KCTD9: variants seen among roughly 807,000 people sequenced by gnomAD.
KCTD9 encodes BTB/POZ domain-containing protein KCTD9.
KCTD9 carries 17 observed loss-of-function variants against 53.3 expected under a neutral mutation model. The observed-to-expected ratio is 0.32, with a 90% CI of 0.22 to 0.48. The LOEUF (loss-of-function observed/expected upper bound fraction) is 0.48, where lower values mean the gene tolerates loss of function less well. KCTD9 is among the 20% of genes least tolerant of loss of function. KCTD9 has a pLI of 0.99. For missense variants in KCTD9, 179 were observed against 465.5 expected (o/e 0.38, Z 5.66); for synonymous variants, 128 against 162.7 (o/e 0.79, Z 1.62).
Position 25,436,453 on chromosome 8 carries a change from C to T in KCTD9, c.532G>A (p.Asp178Asn). The T allele has an allele frequency of 6.3e-7, 1 of 1,581,312 alleles. No homozygotes were observed. The highest frequency in any genetic ancestry group is 8.5e-7 in the Non-Finnish European group (1 of 1,172,356). The change falls in exon 7 of 12, where the codon GAC (aspartate) becomes AAC (asparagine). Residue 178 changes from aspartate (D) to asparagine (N), a missense_variant. Transcript: ENST00000221200. ...VLEEARFFGI[D>N]SLIEHLEVAI... The stretch of plus-strand genomic sequence containing the variant: ...ACTTCTAGGTGTTCAATCAATGAGT[C>T]AATACCAAAAAATCTTGCTTCTTCT...
intron 9 of KCTD9, 65 bp from the exon 10 acceptor site, chr8:25,433,500 G>A: frequency 4.0e-6 from 3 of 757,092 alleles, no homozygotes; most frequent in Middle Eastern, 2.5e-4. Context: ...AGCTCAAACA[G>A]TAAAAGAAAA....
chr8:25,458,382 G>A lies in KCTD9; in HGVS notation c.-136C>T, dbSNP rs1802522572. 7 of 962,858 alleles carry A rather than the reference G, an allele frequency of 7.3e-6. No individual in the cohort carries two copies. In the Admixed American group the frequency reaches 1.0e-4, roughly 14 times the overall value. The allele number at this position is 962,858 out of a possible 1,614,324, so 59.6% of individuals were successfully genotyped here. Reference sequence around the variant, plus strand: ...CCTTCGCCACCTTCCTGCCCTTGGGGACACACCACACGCACGCACTCTGTC... The same window carrying A: ...CCTTCGCCACCTTCCTGCCCTTGGGAACACACCACACGCACGCACTCTGTC... On this transcript the variant is annotated 5_prime_UTR_variant, in exon 1 of 12. Transcript: ENST00000221200.
rs1017640523 is a variant in KCTD9, at chr8:25,446,056, T to G, written c.170+73A>C. ...GTACTCTTAACAGTGATTAAATTAC[T>G]GCTTAAGGGAAACAGCATAGCACCA... On this transcript the variant is annotated intron_variant, in intron 2 of 11. Transcript: ENST00000221200. The G allele has an allele frequency of 5.8e-6, 9 of 1,550,268 alleles. No individual in the cohort carries two copies. In the Admixed American group the frequency reaches 7.5e-5, roughly 13 times the overall value.
chr8:25,455,045 G>C (rs1162118539), intron 1 of KCTD9, among the ~76,000 whole-genome samples: 1 of 151,942 alleles, frequency 6.6e-6, no homozygotes, highest in Non-Finnish European at 1.5e-5. Context: ...GGCCAACATG[G>C]TGAAAACCGT....
intron 2 of KCTD9, among the ~76,000 whole-genome samples, chr8:25,444,974 T>C (rs1802190139): frequency 6.6e-6 from 1 of 152,180 alleles, no homozygotes; most frequent in Admixed American, 6.5e-5. Flanking sequence ...TGTAGACGTT[T>C]TTATTTCCTA....
intron 9 of KCTD9, among the ~76,000 whole-genome samples, chr8:25,434,096 A>AT (rs1165488746): frequency 1.3e-5 from 2 of 152,046 alleles, no homozygotes; most frequent in African/African-American, 2.4e-5. Context: ...TTAAGACTTT[A>AT]TTTTTTTGTT....
intron 11 of KCTD9, among the ~76,000 whole-genome samples, chr8:25,431,389 C>T (rs747155279): frequency 2.6e-5 from 4 of 152,100 alleles, no homozygotes; most frequent in Non-Finnish European, 5.9e-5. Context: ...CAATTTGAAG[C>T]TATTTCTTAA....
chr8:25,457,499 C>T (rs773750069), intron 1 of KCTD9: 39 of 326,634 alleles, frequency 1.2e-4, no homozygotes, highest in Non-Finnish European at 1.7e-4. Flanking sequence ...AAAGGCCTAA[C>T]ACAGCAAAGG....
intron 4 of KCTD9, 95 bp downstream of exon 4, chr8:25,440,482 T>C: frequency 4.7e-6 from 4 of 843,712 alleles, no homozygotes; most frequent in Non-Finnish European, 6.1e-6. Context: ...AAGCAGCATT[T>C]GAGTATCTTT....
intron 6 of KCTD9, among the ~76,000 whole-genome samples, chr8:25,438,978 T>A (rs1802069004): frequency 6.6e-6 from 1 of 152,226 alleles, no homozygotes. Flanking sequence ...AACAAAATCC[T>A]TTAAAGTCAC....
At chr8:25,450,440 AC>A (rs1478754207) in intron 1 of KCTD9, 2 of 984,276 alleles carry the variant, frequency 2.0e-6, no homozygotes, top group Non-Finnish European at 2.4e-6. Context: ...AGTAGGACAC[AC>A]CTTTTTTGTG....
intron 3 of KCTD9, among the ~76,000 whole-genome samples, chr8:25,443,911 A>G (rs1802167016): frequency 6.6e-6 from 1 of 152,174 alleles, no homozygotes; most frequent in Non-Finnish European, 1.5e-5. Flanking sequence ...ACTGTCAAAC[A>G]CTACTTACGC....
chr8:25,446,263 C>G lies in KCTD9; in HGVS notation c.49-13G>C. 6.2e-7 allele frequency: 1 copy of G among 1,612,826 alleles called. No homozygotes were observed. The highest frequency in any genetic ancestry group is 1.1e-5 in the South Asian group (1 of 90,918). Reference sequence around the variant, plus strand: ...ATACAGCAACCACCTGTAAACACACCAGAATAATATGAACAATTTCTTTAA... The same window carrying G: ...ATACAGCAACCACCTGTAAACACACGAGAATAATATGAACAATTTCTTTAA... On this transcript the variant is annotated splice_polypyrimidine_tract_variant and intron_variant, in intron 1 of 11. Coordinates refer to ENST00000221200, the MANE Select transcript of KCTD9 (RefSeq NM_017634.4).
At chr8:25,435,951 T>C (rs1275465780) in intron 8 of KCTD9, among the ~76,000 whole-genome samples, 1 of 152,224 alleles carries the variant, frequency 6.6e-6, no homozygotes, top group South Asian at 2.1e-4. Context: ...TCAGCCCATA[T>C]ATTGCAAATG....
rs550851294 is a variant in KCTD9 at position 25,436,611 on chromosome 8, A to T, written c.500-126T>A. ...TTAATTGCCTTTTTAAATGGAGCAG[A>T]TCTGAACAGGTTTGCCACAAGTATC... is the stretch of plus-strand genomic sequence containing the variant. On this transcript the variant is annotated intron_variant, in intron 6 of 11. Coordinates refer to ENST00000221200, the MANE Select transcript of KCTD9 (RefSeq NM_017634.4). The T allele has an allele frequency of 2.2e-3, 1,293 of 587,246 alleles. 5 individuals are homozygous for T. The highest frequency in any genetic ancestry group is 2.9e-3 in the South Asian group (112 of 38,406). 36.4% of individuals were successfully genotyped at this position (587,246 alleles called of 1,614,324 possible).
intron 1 of KCTD9, among the ~76,000 whole-genome samples, chr8:25,448,706 G>C (rs1225716989): frequency 6.6e-6 from 1 of 152,092 alleles, no homozygotes; most frequent in Non-Finnish European, 1.5e-5. Flanking sequence ...CTTAAGCTCA[G>C]GAGTTCGAGA....
At chr8:25,450,271 T>G (rs1802294256) in intron 1 of KCTD9, 1 of 952,574 alleles carries the variant, frequency 1.0e-6, no homozygotes, top group Non-Finnish European at 1.3e-6. Flanking sequence ...ATGAATTCTG[T>G]GAATAGAGGT....
At chr8:25,445,822 T>TA (rs1802205094) in intron 2 of KCTD9, among the ~76,000 whole-genome samples, 1 of 151,768 alleles carries the variant, frequency 6.6e-6, no homozygotes, top group African/African-American at 2.4e-5. Context: ...AGAGATGAAT[T>TA]AGATTTTTAA....
At chr8:25,445,172 T>C (rs1022856246) in intron 2 of KCTD9, among the ~76,000 whole-genome samples, 2 of 152,180 alleles carry the variant, frequency 1.3e-5, no homozygotes. Context: ...TAAAATGTAG[T>C]GTATAGTATT....
Sources: allele counts gnomAD v4.1 joint callset (sites outside exome capture counted in the v4.1 genomes callset), GRCh38; gene constraint gnomAD v4.1.1; transcripts MANE v1.5; gene names NCBI Gene and HGNC (gene_info 2026-07-23, HGNC 2026-07-21).